The following MSANTD1 variants were observed in gnomAD, a reference collection of about 807,000 sequenced individuals.
The protein encoded by MSANTD1 is myb/SANT-like DNA-binding domain-containing protein 1.
A neutral mutation model predicts 24.2 loss-of-function variants in MSANTD1; 7 were observed. The ratio of observed to expected loss-of-function variants is 0.29; its 90% CI spans 0.16 to 0.54. The LOEUF (loss-of-function observed/expected upper bound fraction) is 0.54, where lower values mean the gene tolerates loss of function less well. Ranked by LOEUF, MSANTD1 falls within the 20% of genes least tolerant of loss-of-function variation. The pLI is 0.94. For synonymous variants in MSANTD1, 177 were observed against 181.1 expected, an observed-to-expected ratio of 0.98 and a Z score of 0.18; for missense variants, 384 against 408.2, an observed-to-expected ratio of 0.94 and a Z score of 0.51.
Position 3,249,270 on chromosome 4 carries a change from C to CGT in MSANTD1, c.48_49insGT (p.Pro17ValfsTer70), listed in dbSNP as rs1203223416. 1 of 1,505,112 alleles carries CGT rather than the reference C, an allele frequency of 6.6e-7. No homozygotes were observed. Among genetic ancestry groups the CGT allele is most frequent in the African/African-American group, 1.4e-5 (1 of 72,070 alleles). The allele number at this position is 1,505,112 out of a possible 1,614,324, so 93.2% of individuals were successfully genotyped here. ...GGCCCTCGCTGAGCGCGCTCTCTCA[C>CGT]CCCACAGGCGCCTCCGGCATGGCGG... On this transcript the variant is annotated frameshift_variant, in exon 1 of 3. Transcript: ENST00000438480. LOFTEE classifies it high-confidence loss of function.
chr4:3,253,080 A>G, intron 1 of MSANTD1, 127 bp from the exon 2 acceptor site: 1 of 928,854 alleles, frequency 1.1e-6, no homozygotes, highest in Admixed American at 3.0e-5. Flanking sequence ...TTTGCTGGGG[A>G]GGCCCTTGCC....
chr4:3,249,359 G>C lies in MSANTD1; in HGVS notation c.137G>C (p.Trp46Ser). ...QAEKHRRARN[W>S]TDAEMRGLML... ...GAGAAGCACCGGCGGGCCCGCAACT[G>C]GACGGACGCCGAGATGCGCGGCCTC... Residue 46 changes from tryptophan (W) to serine (S), a missense_variant, in exon 1 of 3, where the codon TGG (tryptophan) becomes TCG (serine). Trp to Ser is a radical substitution (Grantham distance 177). Transcript: ENST00000438480. 1 of 1,559,764 alleles carries C rather than the reference G, an allele frequency of 6.4e-7. No individual in the cohort carries two copies. The highest frequency in any genetic ancestry group is 8.7e-7 in the Non-Finnish European group (1 of 1,152,188).
chr4:3,247,044 C>T (rs1722051037), upstream of MSANTD1, among the ~76,000 whole-genome samples: 1 of 152,138 alleles, frequency 6.6e-6, no homozygotes, highest in Admixed American at 6.5e-5. Flanking sequence ...GTGGTGGTGT[C>T]CACTGGCCAG....
upstream of MSANTD1, among the ~76,000 whole-genome samples, chr4:3,246,072 G>A (rs1019127107): frequency 3.3e-5 from 5 of 152,064 alleles, no homozygotes; most frequent in Admixed American, 6.5e-5. Context: ...CAGCCCACCC[G>A]CCCAACCTTC....
rs1181445023 is a variant in MSANTD1 at position 3,256,133 on chromosome 4, C to T, written c.*168C>T. On this transcript the variant is annotated 3_prime_UTR_variant, in exon 3 of 3. Coordinates refer to ENST00000438480, the MANE Select transcript of MSANTD1 (RefSeq NM_001042690.2). ...CTTCTGAGGGGTATTTTGAGGAACC[C>T]CCAGGCCCTGGGGACCGTGAGGCTC... 1 of 806,288 alleles carries T rather than the reference C, an allele frequency of 1.2e-6. No homozygotes were observed. Among genetic ancestry groups the T allele is most frequent in the Admixed American group, 3.7e-5 (1 of 26,874 alleles). The allele number at this position is 806,288 out of a possible 1,614,324, so 49.9% of individuals were successfully genotyped here.
At chr4:3,254,678 A>G (rs1185060979) in intron 2 of MSANTD1, among the ~76,000 whole-genome samples, 2 of 152,160 alleles carry the variant, frequency 1.3e-5, no homozygotes, top group Non-Finnish European at 2.9e-5. Context: ...CCCCTACCCC[A>G]GCAGCAGAGC....
Position 3,249,437 on chromosome 4 carries a change from C to T in MSANTD1, c.215C>T (p.Ala72Val), listed in dbSNP as rs1722145897. 44 of 1,610,346 alleles carry T rather than the reference C, an allele frequency of 2.7e-5. No individual in the cohort carries two copies. The highest frequency in any genetic ancestry group is 3.6e-5 in the Non-Finnish European group (43 of 1,179,148). Reference protein sequence around the residue: ...FDELKQTKRNAKVYEKMASKL... With the variant: ...FDELKQTKRNVKVYEKMASKL... ...GAGCTCAAGCAGACCAAGCGCAACG[C>T]CAAGGTGTACGAGAAGATGGCCAGC... The change falls in exon 1 of 3, where the codon GCC (alanine) becomes GTC (valine). Residue 72 changes from alanine (A) to valine (V), a missense_variant. Physicochemically the swap from Ala to Val is moderately conservative, Grantham distance 64. Transcript: ENST00000438480.
upstream of MSANTD1, chr4:3,247,985 T>G (rs1722083555): frequency 6.6e-6 from 1 of 152,264 alleles, no homozygotes; most frequent in African/African-American, 2.4e-5. Flanking sequence ...CCTGAGAGTC[T>G]CCTGCAGTTG....
chr4:3,249,481 G>C lies in MSANTD1; in HGVS notation c.259G>C (p.Gly87Arg). The C allele has an allele frequency of 6.2e-7, 1 of 1,612,090 alleles. No homozygotes were observed. Among genetic ancestry groups the C allele is most frequent in the Non-Finnish European group, 8.5e-7 (1 of 1,179,690 alleles). Reference protein sequence around the residue: ...KMASKLFEMTGERRLGEEIKI... With the variant: ...KMASKLFEMTRERRLGEEIKI... ...GGCCAGCAAGCTCTTCGAGATGACCGGCGAGCGCAGGCTGGGCGAGGAGAT... is the reference window on the plus strand; with the variant it reads ...GGCCAGCAAGCTCTTCGAGATGACCCGCGAGCGCAGGCTGGGCGAGGAGAT... Residue 87 changes from glycine (G) to arginine (R), a missense_variant, in exon 1 of 3, where the codon GGC becomes CGC. Coordinates refer to ENST00000438480, the MANE Select transcript of MSANTD1 (RefSeq NM_001042690.2).
At chr4:3,250,339 C>T (rs907123049) in intron 1 of MSANTD1, among the ~76,000 whole-genome samples, 1 of 152,194 alleles carries the variant, frequency 6.6e-6, no homozygotes, top group African/African-American at 2.4e-5. Context: ...ACCACCCAGC[C>T]AGGGAGATGT....
Position 3,249,306 on chromosome 4 carries a change from G to A in MSANTD1, c.84G>A (p.Gly28=), listed in dbSNP as rs536385807. Residue 28 remains glycine, a synonymous_variant, in exon 1 of 3, where the codon GGG becomes GGA. Transcript: ENST00000438480. Reference sequence around the variant, plus strand: ...CCTCCGGCATGGCGGCGGCCGAGGGGCCCGGCTACCTCGTGTCTCCCCAGG... The same window carrying A: ...CCTCCGGCATGGCGGCGGCCGAGGGACCCGGCTACCTCGTGTCTCCCCAGG... ...TGASGMAAAE[G]PGYLVSPQAE... 138 of 1,538,730 alleles carry A rather than the reference G, an allele frequency of 9.0e-5. No individual in the cohort carries two copies. The African/African-American group carries it at 1.3e-3, about 14-fold the overall frequency.
At chr4:3,253,559 C>T (rs1722297151) in intron 2 of MSANTD1, 77 bp downstream of exon 2, 8 of 1,402,240 alleles carry the variant, frequency 5.7e-6, no homozygotes, top group Non-Finnish European at 7.4e-6. Flanking sequence ...CTGGGAGTGG[C>T]AAGGCCGGCG....
intron 2 of MSANTD1, among the ~76,000 whole-genome samples, chr4:3,254,608 G>A (rs1255624198): frequency 6.6e-6 from 1 of 152,216 alleles, no homozygotes; most frequent in Non-Finnish European, 1.5e-5. Flanking sequence ...CAGGGCCCTG[G>A]GGTCTGTGGG....
chr4:3,246,168 G>A (rs1578628605), upstream of MSANTD1, among the ~76,000 whole-genome samples: 1 of 152,264 alleles, frequency 6.6e-6, no homozygotes, highest in Non-Finnish European at 1.5e-5. Flanking sequence ...TCCGGAGCCT[G>A]CCCAGGGGCC....
intron 2 of MSANTD1, 93 bp downstream of exon 2, chr4:3,253,575 G>A (rs186719032): frequency 0.014 from 18,551 of 1,310,310 alleles, 334 homozygotes; most frequent in Admixed American, 0.096. Context: ...CGGCGGCGGC[G>A]GCCACAGTGG....
At chr4:3,245,870 G>A (rs942183689), upstream of MSANTD1, among the ~76,000 whole-genome samples, 2 of 152,160 alleles carry the variant, frequency 1.3e-5, no homozygotes, top group African/African-American at 4.8e-5. Context: ...GGGGTGTCTG[G>A]GCCCTGGGTG....
rs918400699 is a variant in MSANTD1, at chr4:3,255,959, C to T, written c.831C>T (p.Ser277=). The T allele has an allele frequency of 1.4e-5, 21 of 1,526,882 alleles. No individual in the cohort carries two copies. The highest frequency in any genetic ancestry group is 4.2e-5 in the African/African-American group (3 of 72,122). The allele number at this position is 1,526,882 out of a possible 1,614,324, so 94.6% of individuals were successfully genotyped here. Reference sequence around the variant, plus strand: ...TGGAGAGGATCATCACCAAGTCCAGCGTCTAGGCCAGCAGGCGGCGGCGGC... The same window carrying T: ...TGGAGAGGATCATCACCAAGTCCAGTGTCTAGGCCAGCAGGCGGCGGCGGC... ...SLLERIITKS[S]V The change falls in exon 3 of 3, where the codon AGC becomes AGT. Residue 277 remains serine (S), a synonymous_variant. Transcript: ENST00000438480.
rs974413448 is a variant in MSANTD1, at chr4:3,255,911, G to A, written c.783G>A (p.Leu261=). ...TCCTGCAGGTGCAGAGCCTGCAGCT[G>A]CAGGAGCGCATGATGAGTCTGCTGG... ...QHILQVQSLQ[L]QERMMSLLER... The change falls in exon 3 of 3, where the codon CTG becomes CTA. Residue 261 remains leucine (L), a synonymous_variant. Transcript: ENST00000438480. 2 of 1,545,398 alleles carry A rather than the reference G, an allele frequency of 1.3e-6. No homozygotes were observed. The highest frequency in any genetic ancestry group is 1.4e-5 in the African/African-American group (1 of 72,972).
chr4:3,255,439 G>T (rs1448278362), intron 2 of MSANTD1, among the ~76,000 whole-genome samples: 1 of 152,106 alleles, frequency 6.6e-6, no homozygotes, highest in Non-Finnish European at 1.5e-5. Flanking sequence ...GGCCAGGCTG[G>T]TCTTGAACTC....
Sources: allele counts gnomAD v4.1 joint callset (sites outside exome capture counted in the v4.1 genomes callset), GRCh38; gene constraint gnomAD v4.1.1; transcripts MANE v1.5; gene names NCBI Gene and HGNC (gene_info 2026-07-23, HGNC 2026-07-21).